The following ITIH5 variants were observed in gnomAD, a reference collection of about 807,000 sequenced individuals.
ITIH5 encodes the protein inter-alpha-trypsin inhibitor heavy chain H5.
ITIH5 carries 65 observed loss-of-function variants against 77.5 expected under a neutral mutation model. The observed-to-expected ratio is 0.84, with a 90% CI of 0.69 to 1.03. The LOEUF (loss-of-function observed/expected upper bound fraction) is 1.03. Ranked by LOEUF, ITIH5 falls within the 50% of genes least tolerant of loss-of-function variation. The pLI is 0.00. For synonymous variants in ITIH5, 525 were observed against 494.3 expected, an observed-to-expected ratio of 1.06 and a Z score of -0.82; for missense variants, 1,208 against 1,213.1, an observed-to-expected ratio of 1.00 and a Z score of 0.06.
In ITIH5 at chr10:7,648,426, G is replaced by A. The variant is rs530852480; in HGVS notation, c.136-6336C>T. Among the ~76,000 whole-genome samples the A allele has an allele frequency of 8.6e-4, 131 of 152,328 alleles. 1 individual carries two copies. Among genetic ancestry groups the A allele is most frequent in the African/African-American group, 3.0e-3 (123 of 41,584 alleles). On this transcript the variant is annotated intron_variant, in intron 2 of 13. Coordinates refer to ENST00000397146, the MANE Select transcript of ITIH5 (RefSeq NM_030569.7). ...CATCCATTAAATTGTACACATTGAAGATAGAGGACATTAAACTGAATGTAT... is the reference window on the plus strand; with the variant it reads ...CATCCATTAAATTGTACACATTGAAAATAGAGGACATTAAACTGAATGTAT...
chr10:7,603,639 A>T lies in ITIH5; in HGVS notation c.939+12343T>A, dbSNP rs1289746071. ...CGCTCTGTCGTCCAGGCTGGAGTGC[A>T]GTGGCGCGATCTTGGCTCACTGCAA... On this transcript the variant is annotated intron_variant, in intron 7 of 13. Coordinates refer to ENST00000397146, the MANE Select transcript of ITIH5 (RefSeq NM_030569.7). Among the ~76,000 whole-genome samples the T allele has an allele frequency of 7.9e-5, 12 of 152,288 alleles. No homozygotes were observed. The East Asian group carries it at 2.3e-3, about 29-fold the overall frequency.
At position 7,573,809 on chromosome 10, in the gene ITIH5, G is replaced by A. The variant is rs566063192; in HGVS notation, c.1979-614C>T. Among the ~76,000 whole-genome samples the A allele has an allele frequency of 2.0e-5, 3 of 152,014 alleles. No individual in the cohort carries two copies. The East Asian group carries it at 5.8e-4, about 29-fold the overall frequency. On this transcript the variant is annotated intron_variant, in intron 10 of 13. Coordinates refer to ENST00000397146, the MANE Select transcript of ITIH5 (RefSeq NM_030569.7). ...TTCTGTGATTTTTGTGTATATTATA[G>A]GGGAAAATATTTTATCACACTTGAG...
intron 7 of ITIH5, among the ~76,000 whole-genome samples, chr10:7,608,020 G>A (rs1263956873): frequency 3.9e-5 from 6 of 152,150 alleles, no homozygotes; most frequent in Non-Finnish European, 7.3e-5. Context: ...TGGACCCGAC[G>A]CTCTCTGTTG....
At chr10:7,566,741 AGAAG>A (rs1457263111) in intron 12 of ITIH5, among the ~76,000 whole-genome samples, 6 of 7,292 alleles carry the variant, frequency 8.2e-4, no homozygotes, top group Non-Finnish European at 1.8e-3. Flanking sequence ...AAAAAAAAAA[AGAAG>A]AAGAAGAAGA....
Position 7,559,735 on chromosome 10 carries a change from T to G in ITIH5, c.*3348A>C. ...GAGGCTGGGAGGTCCAAGATCAAGG[T>G]GCCAGCAGACATGGTGTCTGGTGAG... is the stretch of plus-strand genomic sequence containing the variant. On this transcript the variant is annotated 3_prime_UTR_variant, in exon 14 of 14. Coordinates refer to ENST00000397146, the MANE Select transcript of ITIH5 (RefSeq NM_030569.7). 1 of 441,122 alleles carries G rather than the reference T, an allele frequency of 2.3e-6. No homozygotes were observed. Among genetic ancestry groups the G allele is most frequent in the Non-Finnish European group, 4.5e-6 (1 of 221,460 alleles). 27.3% of individuals were successfully genotyped at this position (441,122 alleles called of 1,614,324 possible).
intron 5 of ITIH5, among the ~76,000 whole-genome samples, chr10:7,632,525 C>G (rs1406534973): frequency 6.6e-6 from 1 of 152,128 alleles, no homozygotes; most frequent in East Asian, 1.9e-4. Flanking sequence ...ACAACCACAC[C>G]TGTCAAGTGG....
intron 5 of ITIH5, among the ~76,000 whole-genome samples, chr10:7,632,903 CA>C (rs1052663472): frequency 1.3e-5 from 2 of 151,912 alleles, no homozygotes; most frequent in Non-Finnish European, 2.9e-5. Flanking sequence ...AATTTTCTGC[CA>C]AAAAAAGTAT....
chr10:7,644,396 C>A (rs1489524986), intron 2 of ITIH5, among the ~76,000 whole-genome samples: 1 of 142,038 alleles, frequency 7.0e-6, no homozygotes, highest in African/African-American at 2.6e-5. Context: ...TCACATATAT[C>A]ACATATATCA....
chr10:7,647,526 G>A (rs992148676), intron 2 of ITIH5, among the ~76,000 whole-genome samples: 11 of 152,156 alleles, frequency 7.2e-5, no homozygotes, highest in African/African-American at 2.2e-4. Flanking sequence ...GGATAAAATC[G>A]TTGTTGCTCT....
At chr10:7,587,397 G>A (rs1832701384) in intron 7 of ITIH5, among the ~76,000 whole-genome samples, 1 of 152,134 alleles carries the variant, frequency 6.6e-6, no homozygotes, top group Non-Finnish European at 1.5e-5. Flanking sequence ...AGGAGGTCAG[G>A]GACTTTCATT....
intron 7 of ITIH5, among the ~76,000 whole-genome samples, chr10:7,605,262 C>A (rs903730307): frequency 6.6e-6 from 1 of 151,352 alleles, no homozygotes; most frequent in Admixed American, 6.6e-5. Context: ...GGATCCAATC[C>A]CCCTCTTCTC....
rs1391912849 is a variant in ITIH5 at position 7,559,902 on chromosome 10, A to G, written c.*3181T>C. 1 of 450,894 alleles carries G rather than the reference A, an allele frequency of 2.2e-6. No homozygotes were observed. 27.9% of individuals were successfully genotyped at this position (450,894 alleles called of 1,614,324 possible). A position where few individuals can be genotyped will look rare whatever the true frequency, so the allele number is the denominator to read the frequency against. ...AGTTTGGCTCTGTCACTCCAGCTGGAGTGCAGTGGCGTGATCTTGGCTCAC... is the reference window on the plus strand; with the variant it reads ...AGTTTGGCTCTGTCACTCCAGCTGGGGTGCAGTGGCGTGATCTTGGCTCAC... On this transcript the variant is annotated 3_prime_UTR_variant, in exon 14 of 14. Transcript: ENST00000397146.
rs1216937879 is a variant in ITIH5, at chr10:7,624,842, TACAC to T, written c.653-7564_653-7561del. Among the ~76,000 whole-genome samples, 11 of 135,104 alleles carry T rather than the reference TACAC, an allele frequency of 8.1e-5. 1 individual carries two copies. In the East Asian group the frequency reaches 2.2e-3, roughly 27 times the overall value. The allele number at this position is 135,104 out of a possible 152,430, so 88.6% of individuals were successfully genotyped here. A position where few individuals can be genotyped will look rare whatever the true frequency, so the allele number is the denominator to read the frequency against. ...ATATATATGTGTATATACATGTATA[TACAC>T]ATATATATGTGTATATATGTATATA... On this transcript the variant is annotated intron_variant, in intron 5 of 13. Transcript: ENST00000397146.
chr10:7,598,284 G>T (rs1832949520), intron 7 of ITIH5, among the ~76,000 whole-genome samples: 1 of 152,240 alleles, frequency 6.6e-6, no homozygotes, highest in South Asian at 2.1e-4. Flanking sequence ...TGTCAACAAG[G>T]GAAATCTTGT....
chr10:7,586,764 G>C (rs929889676), intron 7 of ITIH5, among the ~76,000 whole-genome samples: 5 of 152,118 alleles, frequency 3.3e-5, no homozygotes, highest in Non-Finnish European at 5.9e-5. Context: ...GTGACATGAG[G>C]CCTTACAGAG....
intron 7 of ITIH5, among the ~76,000 whole-genome samples, chr10:7,614,970 G>A (rs759582734): frequency 1.3e-5 from 2 of 152,118 alleles, no homozygotes; most frequent in South Asian, 2.1e-4. Flanking sequence ...GAAAAAGGCC[G>A]GGCATGGTGG....
intron 2 of ITIH5, among the ~76,000 whole-genome samples, chr10:7,651,173 C>T (rs1009399612): frequency 2.0e-5 from 3 of 147,816 alleles, no homozygotes; most frequent in Non-Finnish European, 4.5e-5. Flanking sequence ...CTGGAAAGAC[C>T]GTCCCTCCCA....
chr10:7,576,698 C>A lies in ITIH5; in HGVS notation c.1733G>T (p.Ser578Ile). Residue 578 changes from serine (S) to isoleucine (I), a missense_variant, in exon 10 of 14, where the codon AGC (serine) becomes ATC (isoleucine). By Grantham distance (142) the Ser-to-Ile change is moderately radical (BLOSUM62 -2). Coordinates refer to ENST00000397146, the MANE Select transcript of ITIH5 (RefSeq NM_030569.7). ...CAGCAGCTCCTTTGTGGTGAGGTAGCTCCAGAGACGCTCGATGTGGTTGGT... is the reference window on the plus strand; with the variant it reads ...CAGCAGCTCCTTTGTGGTGAGGTAGATCCAGAGACGCTCGATGTGGTTGGT... Reference protein sequence around the residue: ...GDTNHIERLWSYLTTKELLSS... With the variant: ...GDTNHIERLWIYLTTKELLSS... 6.2e-7 allele frequency: 1 copy of A among 1,614,122 alleles called. No homozygotes were observed. The highest frequency in any genetic ancestry group is 8.5e-7 in the Non-Finnish European group (1 of 1,180,010).
At chr10:7,598,626 T>C (rs1469879660) in intron 7 of ITIH5, among the ~76,000 whole-genome samples, 1 of 152,240 alleles carries the variant, frequency 6.6e-6, no homozygotes, top group Non-Finnish European at 1.5e-5. Flanking sequence ...TTGAATGCAG[T>C]ATTGTGCTAT....
Sources: allele counts gnomAD v4.1 joint callset (sites outside exome capture counted in the v4.1 genomes callset), GRCh38; gene constraint gnomAD v4.1.1; transcripts MANE v1.5; gene names NCBI Gene and HGNC (gene_info 2026-07-23, HGNC 2026-07-21).